ANKRD44: variants seen among roughly 807,000 people sequenced by gnomAD.
The protein encoded by ANKRD44 is serine/threonine-protein phosphatase 6 regulatory ankyrin repeat subunit B.
In ANKRD44, 35 loss-of-function variants were observed where a neutral mutation model predicts 116.0. The observed-to-expected ratio is 0.30, with a 90% CI of 0.23 to 0.40. ANKRD44 has a LOEUF of 0.40. Ranked by LOEUF, ANKRD44 falls within the 10% of genes least tolerant of loss-of-function variation. The probability of loss-of-function intolerance (pLI) is 1.00; values close to 1 mark genes in which losing one functional copy is unlikely to be tolerated. For synonymous variants in ANKRD44, 435 were observed against 461.8 expected (o/e 0.94, Z 0.74); for missense variants, 1,014 against 1,242.6 (o/e 0.82, Z 2.77).
rs75685612 is a variant in ANKRD44 at position 197,034,448 on chromosome 2, T to C, written c.1651-9181A>G. 7.6e-3 allele frequency among the ~76,000 whole-genome samples: 1,141 copies of C among 149,572 alleles called. 28 individuals are homozygous for C. Among genetic ancestry groups the C allele is most frequent in the East Asian group, 0.069 (354 of 5,116 alleles). ...TAGTTCTCATGCTCAACTACATTCA[T>C]AAATCCAACGTGCATATCTAGTATG... On this transcript the variant is annotated intron_variant, in intron 16 of 27. Coordinates refer to ENST00000282272, the MANE Select transcript of ANKRD44 (RefSeq NM_001195144.2).
intron 1 of ANKRD44, among the ~76,000 whole-genome samples, chr2:197,204,323 T>C (rs2081159261): frequency 6.6e-6 from 1 of 152,186 alleles, no homozygotes; most frequent in African/African-American, 2.4e-5. Context: ...ATACACTTTC[T>C]TTTTTTGTAA....
rs374313668 is a variant in ANKRD44 at position 197,305,967 on chromosome 2, T to TTATATATATATATATA, written c.27+4595_27+4610dup. The stretch of plus-strand genomic sequence containing the variant: ...TTTCCTATAATGACCGCAGTTCGTT[T>TTATATATATATATATA]TATATATATATATATATATATATAT... On this transcript the variant is annotated intron_variant, in intron 1 of 27. Coordinates refer to ENST00000282272, the MANE Select transcript of ANKRD44 (RefSeq NM_001195144.2). 1.7e-3 allele frequency among the ~76,000 whole-genome samples: 218 copies of TTATATATATATATATA among 124,706 alleles called. 6 individuals are homozygous for TTATATATATATATATA. Among genetic ancestry groups the TTATATATATATATATA allele is most frequent in the African/African-American group, 4.9e-3 (135 of 27,518 alleles). 81.8% of individuals were successfully genotyped at this position (124,706 alleles called of 152,430 possible).
intron 16 of ANKRD44, among the ~76,000 whole-genome samples, chr2:197,049,571 G>A (rs2077067031): frequency 6.6e-6 from 1 of 152,012 alleles, no homozygotes; most frequent in Admixed American, 6.6e-5. Context: ...CATTTTCACA[G>A]CAAATATGCC....
intron 14 of ANKRD44, among the ~76,000 whole-genome samples, chr2:197,082,147 A>G (rs1049365837): frequency 7.9e-5 from 12 of 152,192 alleles, no homozygotes; most frequent in Admixed American, 2.0e-4. Context: ...ACAATTCTTC[A>G]TCATCCAGAA....
At chr2:197,065,974 G>A (rs1056081879) in intron 16 of ANKRD44, among the ~76,000 whole-genome samples, 1 of 152,164 alleles carries the variant, frequency 6.6e-6, no homozygotes, top group African/African-American at 2.4e-5. Context: ...AAGCCTGGCA[G>A]AGACACAACA....
At chr2:196,977,315 A>G (rs113247999) in intron 21 of ANKRD44, among the ~76,000 whole-genome samples, 1 of 152,132 alleles carries the variant, frequency 6.6e-6, no homozygotes, top group Non-Finnish European at 1.5e-5. Flanking sequence ...ATAGGAGTAA[A>G]TCTTCATGAC....
chr2:197,280,644 G>C (rs117159422), intron 1 of ANKRD44, among the ~76,000 whole-genome samples: 1 of 152,164 alleles, frequency 6.6e-6, no homozygotes, highest in Non-Finnish European at 1.5e-5. Flanking sequence ...TAAGCCTCGC[G>C]GATGAGATTT....
At chr2:197,288,019 C>CAAAAAAAAAAAAAAAAAAAA (rs10666895) in intron 1 of ANKRD44, among the ~76,000 whole-genome samples, 1 of 81,802 alleles carries the variant, frequency 1.2e-5, no homozygotes, top group Non-Finnish European at 2.3e-5. Context: ...GACTCAGTCT[C>CAAAAAAAAAAAAAAAAAAAA]AAAAAAAAAA....
At position 197,063,771 on chromosome 2, in the gene ANKRD44, C is replaced by T. The variant is rs373207671; in HGVS notation, c.1650+14932G>A. Among the ~76,000 whole-genome samples the T allele has an allele frequency of 2.6e-4, 40 of 152,152 alleles. No homozygotes were observed. In the East Asian group the frequency reaches 4.4e-3, roughly 17 times the overall value. On this transcript the variant is annotated intron_variant, in intron 16 of 27. Transcript: ENST00000282272. ...TTAGAGAAAAAAGAGTAAAAAGAAA[C>T]GAACAAAGCCTCCAAGAAATATGGG...
intron 4 of ANKRD44, among the ~76,000 whole-genome samples, chr2:197,132,671 C>T (rs1186394112): frequency 6.6e-6 from 1 of 152,086 alleles, no homozygotes; most frequent in Non-Finnish European, 1.5e-5. Context: ...ACTCTGTTCA[C>T]CCTGCATGCA....
rs948294448 is a variant in ANKRD44 at position 196,988,557 on chromosome 2, G to A, written c.*1034C>T. The A allele has an allele frequency of 6.1e-6, 6 of 984,580 alleles. No individual in the cohort carries two copies. Among genetic ancestry groups the A allele is most frequent in the Non-Finnish European group, 7.2e-6 (6 of 829,254 alleles). 61.0% of individuals were successfully genotyped at this position (984,580 alleles called of 1,614,324 possible). A position where few individuals can be genotyped will look rare whatever the true frequency, so the allele number is the denominator to read the frequency against. On this transcript the variant is annotated 3_prime_UTR_variant, in exon 28 of 28. Coordinates refer to ENST00000282272, the MANE Select transcript of ANKRD44 (RefSeq NM_001195144.2). ...TTTAATTAAATCCAGGATATTAAGA[G>A]TAAGATTAAAGTTTTATAGCTAGAT...
intron 23 of ANKRD44, 78 bp downstream of exon 23, chr2:197,000,341 G>A (rs1445809648): frequency 1.9e-6 from 2 of 1,073,812 alleles, no homozygotes; most frequent in Non-Finnish European, 2.8e-6. Context: ...TAAAAACATA[G>A]ATGTTTGGCT....
At chr2:197,190,761 T>C (rs2080802887) in intron 1 of ANKRD44, among the ~76,000 whole-genome samples, 1 of 152,250 alleles carries the variant, frequency 6.6e-6, no homozygotes, top group Non-Finnish European at 1.5e-5. Context: ...CTGTTGTTCA[T>C]TAATTTGGCA....
chr2:197,233,849 T>G (rs2081920954), intron 1 of ANKRD44, among the ~76,000 whole-genome samples: 1 of 152,246 alleles, frequency 6.6e-6, no homozygotes, highest in Non-Finnish European at 1.5e-5. Context: ...GTATTTTTCC[T>G]CTTTTTCAAA....
At chr2:197,238,499 C>CA (rs1223519349) in intron 1 of ANKRD44, among the ~76,000 whole-genome samples, 6 of 151,892 alleles carry the variant, frequency 4.0e-5, no homozygotes, top group South Asian at 2.1e-4. Flanking sequence ...ACAACCTTGA[C>CA]AAAAAAATCA....
At chr2:197,253,276 T>G (rs2082363624) in intron 1 of ANKRD44, among the ~76,000 whole-genome samples, 1 of 152,228 alleles carries the variant, frequency 6.6e-6, no homozygotes, top group African/African-American at 2.4e-5. Flanking sequence ...ATTTATCTAC[T>G]GATGGCTTTT....
chr2:197,153,257 AGAAGAAGAGGAAGAAGAG>A (rs1228857326), intron 2 of ANKRD44, among the ~76,000 whole-genome samples: 1 of 29,670 alleles, frequency 3.4e-5, no homozygotes, highest in Admixed American at 7.4e-4. Flanking sequence ...AGAAGAAACA[AGAAGAAGAGGAAGAAGAG>A]GAAGAGGAAG....
chr2:197,136,692 T>C (rs1171354759), intron 3 of ANKRD44, 30 bp from the exon 4 acceptor site: 1 of 1,605,540 alleles, frequency 6.2e-7, no homozygotes, highest in Admixed American at 1.7e-5. Flanking sequence ...GTTAGAGGCA[T>C]AATGGGGTCA....
At chr2:197,076,132 T>C (rs2077660949) in intron 16 of ANKRD44, among the ~76,000 whole-genome samples, 1 of 152,154 alleles carries the variant, frequency 6.6e-6, no homozygotes, top group Non-Finnish European at 1.5e-5. Context: ...TCAAAAATGA[T>C]CTCCTTGCAC....
Sources: gnomAD v4.1 joint callset for allele counts (sites outside exome capture counted in the v4.1 genomes callset) on GRCh38, gnomAD v4.1.1 for gene constraint, MANE v1.5 for transcripts, NCBI Gene and HGNC (gene_info 2026-07-23, HGNC 2026-07-21) for gene names.